The following SP6 variants were observed in gnomAD, a reference collection of about 807,000 sequenced individuals.
SP6 encodes the protein transcription factor Sp6.
In SP6, 10 loss-of-function variants were observed where a neutral mutation model predicts 23.4. That is an observed-to-expected ratio of 0.43 (90% CI 0.26 to 0.72). The LOEUF (loss-of-function observed/expected upper bound fraction) is 0.72. Among genes scored for constraint, SP6 ranks in the 30% least tolerant of loss-of-function variants. SP6 has a pLI of 0.23. For synonymous variants in SP6, 238 were observed against 238.7 expected (o/e 1.00, Z 0.03); for missense variants, 482 against 523.8 (o/e 0.92, Z 0.78).
In SP6 at chr17:47,844,957, C is replaced by T. The variant is rs2033868470; in HGVS notation, c.*2342G>A. 1 of 152,600 alleles carries T rather than the reference C, an allele frequency of 6.6e-6. No homozygotes were observed. Among genetic ancestry groups the T allele is most frequent in the South Asian group, 2.1e-4 (1 of 4,828 alleles). The allele number at this position is 152,600 out of a possible 1,614,324, so 9.5% of individuals were successfully genotyped here. A position where few individuals can be genotyped will look rare whatever the true frequency, so the allele number is the denominator to read the frequency against. On this transcript the variant is annotated 3_prime_UTR_variant, in exon 2 of 2. Coordinates refer to ENST00000536300, the MANE Select transcript of SP6 (RefSeq NM_001258248.2). The stretch of plus-strand genomic sequence containing the variant: ...GCATAAAAAACACAGGCTGTTTCTC[C>T]CTCCTCCTACCCCCTCAAAGTGAGT...
At chr17:47,870,108 T>C in the SP6 span, among the ~76,000 whole-genome samples, 2 of 152,228 alleles carry the variant, frequency 1.3e-5, no homozygotes, top group South Asian at 2.1e-4. Context: ...AGCCAACACA[T>C]TGATACACCC....
In SP6 at chr17:47,848,357, C is replaced by T. The variant is rs1384843792; in HGVS notation, c.73G>A (p.Asp25Asn). ...EAPHASPPRLDLQPLQTYQGH... is the reference protein window; with the variant it reads ...EAPHASPPRLNLQPLQTYQGH... ...TGGTAAGTTTGGAGAGGCTGCAGGT[C>T]GAGGCGCGGCGGGGAGGCGTGCGGC... Residue 25 changes from aspartate (D) to asparagine (N), a missense_variant, in exon 2 of 2, where the codon GAC (aspartate) becomes AAC (asparagine). Physicochemically the swap from Asp to Asn is conservative, Grantham distance 23 (BLOSUM62 1). Transcript: ENST00000536300. The surrounding 1 kb of genome is among the most constrained non-coding windows in gnomAD (Gnocchi z 5.3). 6.3e-7 allele frequency: 1 copy of T among 1,594,394 alleles called. No homozygotes were observed. The highest frequency in any genetic ancestry group is 2.3e-5 in the East Asian group (1 of 44,026).
At chr17:47,871,450 T>C in the SP6 span, among the ~76,000 whole-genome samples, 97 of 152,348 alleles carry the variant, frequency 6.4e-4, no homozygotes, top group African/African-American at 2.3e-3. Flanking sequence ...TTAATAAGAA[T>C]GAGAAGTTTG....
At chr17:47,869,842 T>C in the SP6 span, among the ~76,000 whole-genome samples, 1 of 152,250 alleles carries the variant, frequency 6.6e-6, no homozygotes, top group Non-Finnish European at 1.5e-5. Flanking sequence ...TTTGTGCTTA[T>C]GATTTATGTA....
At chr17:47,873,376 A>C in the SP6 span, among the ~76,000 whole-genome samples, 1 of 152,182 alleles carries the variant, frequency 6.6e-6, no homozygotes, top group African/African-American at 2.4e-5. Flanking sequence ...AAGAGGCCTT[A>C]AGAGATTAAG....
At chr17:47,861,855 G>A in the SP6 span, among the ~76,000 whole-genome samples, 1 of 152,034 alleles carries the variant, frequency 6.6e-6, no homozygotes. Flanking sequence ...AGACCAGCTT[G>A]GGCAACATAG....
the SP6 span, among the ~76,000 whole-genome samples, chr17:47,870,946 CA>C: frequency 6.6e-6 from 1 of 152,184 alleles, no homozygotes; most frequent in African/African-American, 2.4e-5. Context: ...TCCCTGCCCC[CA>C]AACTCATCCT....
chr17:47,865,514 TC>T, the SP6 span, among the ~76,000 whole-genome samples: 2 of 150,872 alleles, frequency 1.3e-5, no homozygotes, highest in Non-Finnish European at 1.5e-5. Flanking sequence ...AGGCTCCACC[TC>T]CCCCCTCAGG....
At chr17:47,863,893 C>G in the SP6 span, among the ~76,000 whole-genome samples, 1 of 151,850 alleles carries the variant, frequency 6.6e-6, no homozygotes, top group African/African-American at 2.4e-5. Context: ...TGCCCACCAC[C>G]AAGCCCGGCT....
chr17:47,867,742 G>A, the SP6 span, among the ~76,000 whole-genome samples: 2 of 152,038 alleles, frequency 1.3e-5, no homozygotes, highest in South Asian at 2.1e-4. Flanking sequence ...GCTCCCTCTC[G>A]CTTGCCCCAT....
chr17:47,868,426 G>C, the SP6 span, among the ~76,000 whole-genome samples: 1 of 152,178 alleles, frequency 6.6e-6, no homozygotes, highest in Non-Finnish European at 1.5e-5. Flanking sequence ...CCATGGGGAC[G>C]ACCCAAGTCT....
At chr17:47,873,633 C>G in the SP6 span, among the ~76,000 whole-genome samples, 2 of 152,174 alleles carry the variant, frequency 1.3e-5, no homozygotes, top group African/African-American at 4.8e-5. Flanking sequence ...AAAAAAGGCT[C>G]TTCCCGAGTT....
chr17:47,871,613 GTTTC>G, the SP6 span, among the ~76,000 whole-genome samples: 2 of 149,250 alleles, frequency 1.3e-5, no homozygotes, highest in South Asian at 2.1e-4. Context: ...CTCTGTTTCT[GTTTC>G]TTTCTTTTTT....
At chr17:47,861,498 C>T in the SP6 span, among the ~76,000 whole-genome samples, 4 of 152,150 alleles carry the variant, frequency 2.6e-5, no homozygotes, top group African/African-American at 7.2e-5. Context: ...TTTGGGAAGC[C>T]GAGGTGGGTG....
chr17:47,865,376 T>C, the SP6 span, among the ~76,000 whole-genome samples: 5 of 152,030 alleles, frequency 3.3e-5, no homozygotes, highest in African/African-American at 2.4e-5. Context: ...GTCCCCCTTG[T>C]CAACCTCCCC....
At chr17:47,853,744 C>G (rs530746055), upstream of SP6, among the ~76,000 whole-genome samples, 1 of 152,302 alleles carries the variant, frequency 6.6e-6, no homozygotes, top group African/African-American at 2.4e-5. Flanking sequence ...AGCAAAGACC[C>G]TCCATCTGCC....
chr17:47,859,197 T>C (rs1357339349), upstream of SP6, among the ~76,000 whole-genome samples: 1 of 152,174 alleles, frequency 6.6e-6, no homozygotes, highest in East Asian at 1.9e-4. Flanking sequence ...TCTCTCCCGC[T>C]GGTCCTCATA....
chr17:47,847,544 T>G lies in SP6; in HGVS notation c.886A>C (p.Thr296Pro), dbSNP rs2033901130. ...TGGCGCTGCAGCTCGTCCGAGCGCG[T>G]GAAGCGCTTGCCGCAGAAGAGCCAG... ...CNWLFCGKRFTRSDELQRHLQ... is the reference protein window; with the variant it reads ...CNWLFCGKRFPRSDELQRHLQ... Residue 296 changes from threonine to proline, a missense_variant, in exon 2 of 2, where the codon ACG becomes CCG. By Grantham distance (38) the Thr-to-Pro change is conservative. Around this residue, in one of 3 missense-constraint regions of SP6, gnomAD observed 51 missense variants for 92.1 expected, o/e 0.55. Coordinates refer to ENST00000536300, the MANE Select transcript of SP6 (RefSeq NM_001258248.2). 36 of 1,613,546 alleles carry G rather than the reference T, an allele frequency of 2.2e-5. No individual in the cohort carries two copies. The highest frequency in any genetic ancestry group is 2.7e-5 in the Non-Finnish European group (32 of 1,179,966).
chr17:47,875,634 G>A, the SP6 span, among the ~76,000 whole-genome samples: 1 of 152,268 alleles, frequency 6.6e-6, no homozygotes, highest in Non-Finnish European at 1.5e-5. Flanking sequence ...GATGCCAGGA[G>A]AGGAATCAAC....
Sources: allele counts gnomAD v4.1 joint callset (sites outside exome capture counted in the v4.1 genomes callset), GRCh38; gene constraint gnomAD v4.1.1; regional missense constraint gnomAD v4.1.1; non-coding constraint Gnocchi (gnomAD v3.1); transcripts MANE v1.5; gene names NCBI Gene and HGNC (gene_info 2026-07-23, HGNC 2026-07-21).